Variants in NRG3 observed in about 807,000 individuals in gnomAD.
NRG3 encodes neuregulin 3.
NRG3 carries 31 observed loss-of-function variants against 66.9 expected under a neutral mutation model. The ratio of observed to expected loss-of-function variants is 0.46; its 90% confidence interval spans 0.35 to 0.63. The LOEUF (loss-of-function observed/expected upper bound fraction) is 0.63. NRG3 is among the 20% of genes least tolerant of loss of function. The pLI, the probability that NRG3 is intolerant of heterozygous loss-of-function variation, is 0.00. For missense variants in NRG3, 910 were observed against 878.9 expected (o/e 1.04, Z -0.45); for synonymous variants, 393 against 359.4 (o/e 1.09, Z -1.06).
intron 2 of NRG3, among the ~76,000 whole-genome samples, chr10:82,369,138 T>A (rs545369603): frequency 7.8e-6 from 1 of 127,790 alleles, no homozygotes; most frequent in East Asian, 2.5e-4. Flanking sequence ...AAATCACAAT[T>A]TTTATGCGTA....
At chr10:82,112,203 A>G (rs2067426736) in intron 1 of NRG3, among the ~76,000 whole-genome samples, 1 of 152,182 alleles carries the variant, frequency 6.6e-6, no homozygotes, top group African/African-American at 2.4e-5. Context: ...TGATCACATC[A>G]CTACACTCCA....
At chr10:81,895,210 C>T (rs898526709) in intron 1 of NRG3, among the ~76,000 whole-genome samples, 1 of 152,092 alleles carries the variant, frequency 6.6e-6, no homozygotes, top group Non-Finnish European at 1.5e-5. Context: ...AAAATCTGAC[C>T]CCATGAAGGC....
intron 4 of NRG3, among the ~76,000 whole-genome samples, chr10:82,932,275 C>T (rs1847648801): frequency 6.6e-6 from 1 of 152,178 alleles, no homozygotes; most frequent in Admixed American, 6.5e-5. Flanking sequence ...GTTCACATTA[C>T]CCTCACCTTC....
Position 81,876,173 on chromosome 10 carries a change from C to T in NRG3, c.823+10C>T, listed in dbSNP as rs1841619454. 6.4e-7 allele frequency: 1 copy of T among 1,563,416 alleles called. No homozygotes were observed. The highest frequency in any genetic ancestry group is 8.7e-7 in the Non-Finnish European group (1 of 1,154,176). Reference sequence around the variant, plus strand: ...ACCAGCCCCAAATTTCGTAAGTAAACACTGTGTCTCAACTATGATTTACTA... The same window carrying T: ...ACCAGCCCCAAATTTCGTAAGTAAATACTGTGTCTCAACTATGATTTACTA... On this transcript the variant is annotated intron_variant, in intron 1 of 8. Coordinates refer to ENST00000372141, the MANE Select transcript of NRG3 (RefSeq NM_001010848.4).
intron 2 of NRG3, among the ~76,000 whole-genome samples, chr10:82,420,726 T>A (rs955507301): frequency 6.6e-6 from 1 of 152,132 alleles, no homozygotes; most frequent in African/African-American, 2.4e-5. Context: ...GCTTAATAAT[T>A]TTTTAGAAAA....
At chr10:82,971,445 T>C (rs1182802472) in intron 6 of NRG3, among the ~76,000 whole-genome samples, 2 of 151,670 alleles carry the variant, frequency 1.3e-5, no homozygotes, top group African/African-American at 4.8e-5. Context: ...TCTTTTTTTT[T>C]TTTTTTTTTG....
intron 2 of NRG3, among the ~76,000 whole-genome samples, chr10:82,534,202 A>G (rs1365095658): frequency 6.6e-6 from 1 of 151,124 alleles, no homozygotes; most frequent in Non-Finnish European, 1.5e-5. Context: ...GCAATCTACA[A>G]ATTCAATGCA....
intron 1 of NRG3, among the ~76,000 whole-genome samples, chr10:82,205,851 G>A (rs1338206866): frequency 6.6e-6 from 1 of 152,198 alleles, no homozygotes; most frequent in South Asian, 2.1e-4. Flanking sequence ...TCCAGAAATA[G>A]GTTTTCTGCC....
intron 1 of NRG3, among the ~76,000 whole-genome samples, chr10:82,238,310 C>G (rs1360784177): frequency 6.6e-6 from 1 of 151,576 alleles, no homozygotes; most frequent in African/African-American, 2.4e-5. Flanking sequence ...AATGCCTGTT[C>G]TAAAAAAGCT....
intron 3 of NRG3, among the ~76,000 whole-genome samples, chr10:82,774,107 G>A (rs2135202253): frequency 6.6e-6 from 1 of 152,128 alleles, no homozygotes; most frequent in Middle Eastern, 3.4e-3. Context: ...TTTTGCTAGT[G>A]TTTCATTGAG....
intron 3 of NRG3, among the ~76,000 whole-genome samples, chr10:82,848,217 G>C (rs563933281): frequency 6.6e-6 from 1 of 152,262 alleles, no homozygotes; most frequent in East Asian, 1.9e-4. Flanking sequence ...ACGTCCTTGT[G>C]GCTTAAATTT....
rs958243609 is a variant in NRG3 at position 82,791,778 on chromosome 10, G to A, written c.1027+53128G>A. ...CTTTGCTGCCTCAGGCATCAGCCAC[G>A]TTAAACAATTGCTGCTGATTGCTTC... On this transcript the variant is annotated intron_variant, in intron 3 of 8. Coordinates refer to ENST00000372141, the MANE Select transcript of NRG3 (RefSeq NM_001010848.4). Among the ~76,000 whole-genome samples, 11 of 152,112 alleles carry A rather than the reference G, an allele frequency of 7.2e-5. No individual in the cohort carries two copies. In the South Asian group the frequency reaches 8.3e-4, roughly 11 times the overall value.
At chr10:82,012,185 T>A (rs1221116757) in intron 1 of NRG3, among the ~76,000 whole-genome samples, 1 of 152,210 alleles carries the variant, frequency 6.6e-6, no homozygotes, top group East Asian at 1.9e-4. Context: ...TGTACCCACA[T>A]GCTCAACATC....
chr10:82,674,217 A>G (rs2053504602), intron 2 of NRG3, among the ~76,000 whole-genome samples: 1 of 152,192 alleles, frequency 6.6e-6, no homozygotes, highest in African/African-American at 2.4e-5. Flanking sequence ...AAGAGACAAG[A>G]GAACTCAATA....
At chr10:82,937,126 T>C (rs190266868) in intron 4 of NRG3, among the ~76,000 whole-genome samples, 1 of 152,344 alleles carries the variant, frequency 6.6e-6, no homozygotes, top group African/African-American at 2.4e-5. Flanking sequence ...ACTTGAGGAA[T>C]TGGAAATTGT....
chr10:82,677,365 C>G (rs1287027561), intron 2 of NRG3, among the ~76,000 whole-genome samples: 1 of 152,098 alleles, frequency 6.6e-6, no homozygotes, highest in Admixed American at 6.5e-5. Context: ...TTTGAGTTTA[C>G]ATGGGGTGGT....
At position 82,168,272 on chromosome 10, in the gene NRG3, A is replaced by G. The variant is rs539339900; in HGVS notation, c.824-190467A>G. On this transcript the variant is annotated intron_variant, in intron 1 of 8. Transcript: ENST00000372141. The stretch of plus-strand genomic sequence containing the variant: ...ATTAAAAATGCTGTGCTTGAAACCT[A>G]TTCCAAGGCTCTCCGTGGGTAGGTG... Among the ~76,000 whole-genome samples the G allele has an allele frequency of 1.1e-4, 17 of 152,144 alleles. No individual in the cohort carries two copies. The South Asian group carries it at 2.1e-3, about 19-fold the overall frequency.
intron 1 of NRG3, among the ~76,000 whole-genome samples, chr10:82,312,720 A>C (rs2081093952): frequency 6.6e-6 from 1 of 152,228 alleles, no homozygotes; most frequent in South Asian, 2.1e-4. Flanking sequence ...GAAAAATTGT[A>C]GTAAAAAATC....
chr10:82,278,232 G>C (rs892705639), intron 1 of NRG3, among the ~76,000 whole-genome samples: 2 of 151,900 alleles, frequency 1.3e-5, no homozygotes, highest in African/African-American at 4.8e-5. Context: ...AGCGTTCTTG[G>C]TTTCTTTCAT....
Sources: gnomAD v4.1 joint callset for allele counts (sites outside exome capture counted in the v4.1 genomes callset) on GRCh38, gnomAD v4.1.1 for gene constraint, MANE v1.5 for transcripts, NCBI Gene and HGNC (gene_info 2026-07-23, HGNC 2026-07-21) for gene names.